The following ATG4C variants were observed in gnomAD, a reference collection of about 807,000 sequenced individuals.
The protein encoded by ATG4C is autophagy related 4C cysteine peptidase, also known as cysteine protease ATG4C.
Under a neutral mutation model 57.6 loss-of-function variants are expected in ATG4C, and 56 were observed. The observed-to-expected ratio is 0.97, with a 90% CI of 0.78 to 1.21. ATG4C has a LOEUF of 1.21. ATG4C is among the 50% of genes most tolerant of loss of function. The pLI is 0.00. For synonymous variants in ATG4C, 157 were observed against 174.1 expected, an observed-to-expected ratio of 0.90 and a Z score of 0.78; for missense variants, 595 against 529.8, an observed-to-expected ratio of 1.12 and a Z score of -1.21.
intron 6 of ATG4C, among the ~76,000 whole-genome samples, chr1:62,822,712 C>T (rs1321902811): frequency 6.6e-6 from 1 of 152,070 alleles, no homozygotes; most frequent in African/African-American, 2.4e-5. Flanking sequence ...GTGATTTCTT[C>T]CCCCTCTGTC....
intron 10 of ATG4C, among the ~76,000 whole-genome samples, chr1:62,853,254 G>C (rs777347653): frequency 2.6e-5 from 4 of 151,952 alleles, no homozygotes; most frequent in Non-Finnish European, 5.9e-5. Context: ...AGAGCTTTCA[G>C]GTTGGAATCC....
At chr1:62,784,461 T>A (rs1490592838) in intron 1 of ATG4C, among the ~76,000 whole-genome samples, 188 bp downstream of exon 1, 1 of 152,154 alleles carries the variant, frequency 6.6e-6, no homozygotes, top group Non-Finnish European at 1.5e-5. Context: ...TTCTAACTCT[T>A]CCTCGCTTTG....
At chr1:62,795,916 T>C (rs545143195) in intron 1 of ATG4C, among the ~76,000 whole-genome samples, 1 of 151,098 alleles carries the variant, frequency 6.6e-6, no homozygotes, top group Admixed American at 6.6e-5. Context: ...CTAAAAATAG[T>C]TTGGAAATTG....
intron 10 of ATG4C, among the ~76,000 whole-genome samples, chr1:62,846,338 T>G (rs1258588157): frequency 6.6e-6 from 1 of 152,220 alleles, no homozygotes; most frequent in Non-Finnish European, 1.5e-5. Flanking sequence ...TTTAGTCTTC[T>G]TTGCCTGCTT....
chr1:62,801,925 T>G (rs1355322340), intron 1 of ATG4C, among the ~76,000 whole-genome samples: 4 of 109,316 alleles, frequency 3.7e-5, no homozygotes, highest in African/African-American at 1.4e-4. Flanking sequence ...GCCACTGCAC[T>G]CCAGCTTGGG....
chr1:62,850,575 C>T (rs907744312), intron 10 of ATG4C, among the ~76,000 whole-genome samples: 2 of 151,930 alleles, frequency 1.3e-5, no homozygotes, highest in African/African-American at 4.8e-5. Context: ...CTCTCAAGTC[C>T]AGCCACACTA....
In ATG4C at chr1:62,830,543, G is replaced by C. The variant is rs183843802; in HGVS notation, c.933+1367G>C. Among the ~76,000 whole-genome samples the C allele has an allele frequency of 7.4e-3, 1,120 of 152,194 alleles. 26 individuals are homozygous for C. The highest frequency in any genetic ancestry group is 0.025 in the African/African-American group (1,042 of 41,536). The stretch of plus-strand genomic sequence containing the variant: ...ACTTTGCTATTTGGTGGTATTGATA[G>C]TATTCATTAGATGGTCTCACTGCCT... On this transcript the variant is annotated intron_variant, in intron 7 of 10. Coordinates refer to ENST00000317868, the MANE Select transcript of ATG4C (RefSeq NM_032852.4).
intron 10 of ATG4C, among the ~76,000 whole-genome samples, chr1:62,857,340 G>A (rs1666717077): frequency 6.6e-6 from 1 of 152,112 alleles, no homozygotes; most frequent in African/African-American, 2.4e-5. Context: ...ATATGCAAGG[G>A]ATCTAGGTTG....
chr1:62,836,400 A>C (rs1666001036), intron 9 of ATG4C, among the ~76,000 whole-genome samples: 1 of 152,080 alleles, frequency 6.6e-6, no homozygotes, highest in Non-Finnish European at 1.5e-5. Context: ...AGATCCTGGT[A>C]GAATATCTTA....
intron 9 of ATG4C, 145 bp from the exon 10 acceptor site, chr1:62,841,283 C>T: frequency 5.0e-6 from 3 of 594,248 alleles, no homozygotes; most frequent in Non-Finnish European, 8.2e-6. Context: ...TGGAGAGGAC[C>T]ATCTGCGTAG....
intron 7 of ATG4C, among the ~76,000 whole-genome samples, chr1:62,831,721 T>A (rs1220251356): frequency 1.3e-5 from 2 of 152,156 alleles, no homozygotes; most frequent in African/African-American, 4.8e-5. Context: ...GTAAAGAAGC[T>A]CTTTTAGGAA....
chr1:62,815,246 CTT>C (rs1665229378), intron 3 of ATG4C, among the ~76,000 whole-genome samples: 3 of 150,692 alleles, frequency 2.0e-5, no homozygotes, highest in Admixed American at 2.0e-4. Flanking sequence ...TTATCATTCT[CTT>C]TTATCTCTTT....
chr1:62,837,871 G>T (rs550802714), intron 9 of ATG4C, among the ~76,000 whole-genome samples: 2 of 152,250 alleles, frequency 1.3e-5, no homozygotes, highest in South Asian at 4.2e-4. Flanking sequence ...GCCCACTGTA[G>T]CCTTGACCTC....
At chr1:62,792,251 T>C (rs552749963) in intron 1 of ATG4C, among the ~76,000 whole-genome samples, 2 of 152,284 alleles carry the variant, frequency 1.3e-5, no homozygotes, top group East Asian at 3.9e-4. Flanking sequence ...CGCCTCGGCC[T>C]CCCAAAGTGC....
intron 2 of ATG4C, among the ~76,000 whole-genome samples, chr1:62,804,089 C>CT (rs71692941): frequency 0.099 from 13,869 of 140,516 alleles, 767 homozygotes; most frequent in Non-Finnish European, 0.13. Flanking sequence ...CTCCTTTTTT[C>CT]TTTTTTTTTT....
chr1:62,855,662 C>G (rs995057618), intron 10 of ATG4C, among the ~76,000 whole-genome samples: 5 of 152,172 alleles, frequency 3.3e-5, no homozygotes, highest in Admixed American at 6.5e-5. Context: ...GTTGAGTCTT[C>G]ACCTATGGTA....
Position 62,819,208 on chromosome 1 carries a change from A to G in ATG4C, c.598A>G (p.Ile200Val), listed in dbSNP as rs886253978. The G allele has an allele frequency of 6.2e-7, 1 of 1,613,614 alleles. No homozygotes were observed. Among genetic ancestry groups the G allele is most frequent in the Non-Finnish European group, 8.5e-7 (1 of 1,179,710 alleles). ...GCGAAATGAAGTTTATCATAGGAAA[A>G]TCATCTCTTGGTTTGGTGATTCCCC... ...EMRNEVYHRK[I>V]ISWFGDSPLA... The change falls in exon 5 of 11, where the codon ATC becomes GTC. Residue 200 changes from isoleucine (I) to valine (V), a missense_variant. By Grantham distance (29) the Ile-to-Val change is conservative. Transcript: ENST00000317868.
At chr1:62,806,804 G>T (rs1308481669) in intron 3 of ATG4C, among the ~76,000 whole-genome samples, 3 of 152,136 alleles carry the variant, frequency 2.0e-5, no homozygotes, top group African/African-American at 7.2e-5. Context: ...CTGGAAAAAG[G>T]TGAAATTTGG....
chr1:62,797,540 T>G (rs1462676289), intron 1 of ATG4C, among the ~76,000 whole-genome samples: 2 of 152,188 alleles, frequency 1.3e-5, no homozygotes, highest in African/African-American at 4.8e-5. Context: ...TTCTTAGGTC[T>G]AGTAAGGTTG....
Sources: allele counts gnomAD v4.1 joint callset (sites outside exome capture counted in the v4.1 genomes callset), GRCh38; gene constraint gnomAD v4.1.1; transcripts MANE v1.5; gene names NCBI Gene and HGNC (gene_info 2026-07-23, HGNC 2026-07-21).